Variants in GLIS3 observed in about 807,000 individuals in gnomAD.
The protein encoded by GLIS3 is zinc finger protein GLIS3.
A neutral mutation model predicts 78.6 loss-of-function variants in GLIS3; 53 were observed. The ratio of observed to expected loss-of-function variants is 0.67; its 90% CI spans 0.54 to 0.85. GLIS3 has a LOEUF of 0.85. Ranked by LOEUF, GLIS3 falls within the 40% of genes least tolerant of loss-of-function variation. The probability of loss-of-function intolerance (pLI) is 0.00; values close to 1 mark genes in which losing one functional copy is unlikely to be tolerated. For synonymous variants in GLIS3, 684 were observed against 509.9 expected (o/e 1.34, Z -4.60); for missense variants, 1,703 against 1,231.1 (o/e 1.38, Z -5.74).
intron 7 of GLIS3, 31 bp downstream of exon 7, chr9:3,898,660 T>C (rs377343842): frequency 5.0e-6 from 8 of 1,613,854 alleles, no homozygotes; most frequent in Non-Finnish European, 6.8e-6. Context: ...AAAAGGGTAG[T>C]TGTGGTTGGC....
chr9:4,048,065 C>G (rs1563984304), intron 4 of GLIS3, among the ~76,000 whole-genome samples: 1 of 152,088 alleles, frequency 6.6e-6, no homozygotes. Context: ...CCAATTGAAC[C>G]CATGATTGGA....
At chr9:4,216,368 G>C (rs1820838803) in intron 2 of GLIS3, among the ~76,000 whole-genome samples, 1 of 151,892 alleles carries the variant, frequency 6.6e-6, no homozygotes, top group South Asian at 2.1e-4. Context: ...AGCTACTCAA[G>C]AGGTTGAGGC....
chr9:4,288,256 T>C (rs1370670639), intron 1 of GLIS3, among the ~76,000 whole-genome samples: 2 of 152,228 alleles, frequency 1.3e-5, no homozygotes, highest in Non-Finnish European at 2.9e-5. Flanking sequence ...TTTCCTCTCA[T>C]TGATAAAATA....
At chr9:4,227,659 G>C (rs1174870986) in intron 2 of GLIS3, among the ~76,000 whole-genome samples, 1 of 152,196 alleles carries the variant, frequency 6.6e-6, no homozygotes. Context: ...ATATACAGCA[G>C]ACCTATCCGG....
At chr9:4,389,215 A>C in the GLIS3 span, among the ~76,000 whole-genome samples, 2 of 152,232 alleles carry the variant, frequency 1.3e-5, no homozygotes, top group Non-Finnish European at 1.5e-5. Flanking sequence ...AAAGTTGCAC[A>C]TCTGACAAAG....
At chr9:4,159,808 G>A (rs1409040108) in intron 2 of GLIS3, among the ~76,000 whole-genome samples, 1 of 152,134 alleles carries the variant, frequency 6.6e-6, no homozygotes, top group African/African-American at 2.4e-5. Context: ...GATCTCTCTT[G>A]TGACCAACAA....
chr9:4,468,758 A>C, the GLIS3 span, among the ~76,000 whole-genome samples: 7 of 152,304 alleles, frequency 4.6e-5, no homozygotes, highest in East Asian at 7.7e-4. Context: ...CTAACATCAT[A>C]ATGACAGGAT....
chr9:4,390,221 G>C, the GLIS3 span, among the ~76,000 whole-genome samples: 66 of 152,372 alleles, frequency 4.3e-4, no homozygotes, highest in African/African-American at 1.5e-3. Context: ...CGCAGCTGAA[G>C]TATGCAATCA....
rs902898635 is a variant in GLIS3, at chr9:3,920,997, C to G, written c.1983+11363G>C. 2.0e-5 allele frequency among the ~76,000 whole-genome samples: 3 copies of G among 152,162 alleles called. No homozygotes were observed. The South Asian group carries it at 6.2e-4, about 32-fold the overall frequency. On this transcript the variant is annotated intron_variant, in intron 6 of 10. Coordinates refer to ENST00000381971, the MANE Select transcript of GLIS3 (RefSeq NM_001042413.2). ...AAAACTTCTCATTACAGTAATTTATCCTTTTTACCACCAAACTTAAAGATC... is the reference window on the plus strand; with the variant it reads ...AAAACTTCTCATTACAGTAATTTATGCTTTTTACCACCAAACTTAAAGATC...
chr9:4,269,609 C>A (rs1358309568), intron 2 of GLIS3, among the ~76,000 whole-genome samples: 1 of 152,134 alleles, frequency 6.6e-6, no homozygotes, highest in East Asian at 1.9e-4. Context: ...ATTATGTGTT[C>A]CAGTGTAGTT....
At chr9:4,366,961 C>G in the GLIS3 span, among the ~76,000 whole-genome samples, 2 of 152,216 alleles carry the variant, frequency 1.3e-5, no homozygotes, top group Non-Finnish European at 2.9e-5. Context: ...CACTTTCCAG[C>G]AGAAAGACAT....
At chr9:3,926,107 G>A (rs1825207203) in intron 6 of GLIS3, among the ~76,000 whole-genome samples, 1 of 152,084 alleles carries the variant, frequency 6.6e-6, no homozygotes, top group Non-Finnish European at 1.5e-5. Context: ...GCTGCAGAAA[G>A]GTGCAATTAA....
intron 2 of GLIS3, among the ~76,000 whole-genome samples, chr9:4,177,137 A>C (rs1471061441): frequency 8.2e-5 from 1 of 12,262 alleles, no homozygotes; most frequent in East Asian, 1.3e-3. Flanking sequence ...AGCAAAAACA[A>C]AACAAAACAA....
intron 4 of GLIS3, among the ~76,000 whole-genome samples, chr9:4,059,675 G>A (rs942715445): frequency 9.2e-5 from 14 of 152,140 alleles, no homozygotes; most frequent in Admixed American, 7.9e-4. Context: ...TTCCAAATTA[G>A]TTAAGTTGGG....
chr9:3,957,731 C>A (rs1030954437), intron 4 of GLIS3, among the ~76,000 whole-genome samples: 3 of 152,114 alleles, frequency 2.0e-5, no homozygotes, highest in Admixed American at 6.5e-5. Flanking sequence ...ATTGTCATTC[C>A]CAGTCCATCT....
chr9:4,043,571 G>T (rs562055409), intron 4 of GLIS3, among the ~76,000 whole-genome samples: 146 of 152,154 alleles, frequency 9.6e-4, no homozygotes, highest in Non-Finnish European at 4.0e-4. Context: ...CATGAGTTTT[G>T]TCTCAATGAC....
At chr9:4,141,070 G>T (rs1833777195) in intron 2 of GLIS3, among the ~76,000 whole-genome samples, 1 of 152,166 alleles carries the variant, frequency 6.6e-6, no homozygotes, top group Non-Finnish European at 1.5e-5. Context: ...AAAGTTCAGA[G>T]ATTATAGGTG....
the GLIS3 span, among the ~76,000 whole-genome samples, chr9:4,462,344 T>A: frequency 3.0e-3 from 453 of 152,256 alleles, 3 homozygotes; most frequent in African/African-American, 0.01. Context: ...TCAAGATTGG[T>A]GAAATTGTCT....
chr9:4,118,049 C>A lies in GLIS3; in HGVS notation c.1429G>T (p.Ala477Ser). The A allele has an allele frequency of 7.1e-7, 1 of 1,416,106 alleles. No homozygotes were observed. Among genetic ancestry groups the A allele is most frequent in the Non-Finnish European group, 9.5e-7 (1 of 1,057,786 alleles). The allele number at this position is 1,416,106 out of a possible 1,614,324, so 87.7% of individuals were successfully genotyped here. A position where few individuals can be genotyped will look rare whatever the true frequency, so the allele number is the denominator to read the frequency against. Residue 477 changes from alanine (A) to serine (S), a missense_variant, in exon 4 of 11, where the codon GCC (alanine) becomes TCC (serine). Transcript: ENST00000381971. The surrounding 1 kb of genome is among the most constrained non-coding windows in gnomAD (Gnocchi z 4.7). The part of the protein sequence containing the change: ...HLHHPELGPH[A>S]QQLALPQATL... ...GCCTGGGGCAAGGCCAGCTGCTGGG[C>A]GTGGGGCCCGAGCTCCGGGTGGTGA...
Sources: gnomAD v4.1 joint callset for allele counts (sites outside exome capture counted in the v4.1 genomes callset) on GRCh38, gnomAD v4.1.1 for gene constraint, Gnocchi (gnomAD v3.1) non-coding constraint, MANE v1.5 for transcripts, NCBI Gene and HGNC (gene_info 2026-07-23, HGNC 2026-07-21) for gene names.